The following CD96 variants were observed in gnomAD, a reference collection of about 807,000 sequenced individuals.
The protein encoded by CD96 is CD96 molecule.
In CD96, 70 loss-of-function variants were observed where a neutral mutation model predicts 71.3. The observed-to-expected ratio is 0.98, with a 90% CI of 0.81 to 1.20. CD96 has a LOEUF of 1.20. CD96 is among the 50% of genes most tolerant of loss of function. The pLI, the probability that CD96 is intolerant of heterozygous loss-of-function variation, is 0.00. For missense variants in CD96, 742 were observed against 677.5 expected, an observed-to-expected ratio of 1.10 and a Z score of -1.06; for synonymous variants, 248 against 233.0, an observed-to-expected ratio of 1.06 and a Z score of -0.59.
intron 5 of CD96, chr3:111,593,746 C>G: frequency 1.2e-6 from 2 of 1,614,212 alleles, no homozygotes; most frequent in Non-Finnish European, 1.7e-6. Context: ...TTTGGCTGGC[C>G]CACAAAGCCA....
chr3:111,552,946 C>T (rs546515547), intron 2 of CD96, among the ~76,000 whole-genome samples: 20 of 151,962 alleles, frequency 1.3e-4, no homozygotes, highest in Non-Finnish European at 2.6e-4. Context: ...GAACATACAA[C>T]TTCAACAATT....
rs550342496 is a variant in CD96, at chr3:111,580,782, T to C, written c.751+1548T>C. 3.3e-5 allele frequency among the ~76,000 whole-genome samples: 5 copies of C among 152,286 alleles called. No homozygotes were observed. In the South Asian group the frequency reaches 8.3e-4, roughly 25 times the overall value. On this transcript the variant is annotated intron_variant, in intron 4 of 13. Transcript: ENST00000352690. Reference sequence around the variant, plus strand: ...TCCTTACGGAGCCTAAACAGTGTCCTGTGAAGAGTTGGAAACAAGCTGTTC... The same window carrying C: ...TCCTTACGGAGCCTAAACAGTGTCCCGTGAAGAGTTGGAAACAAGCTGTTC...
chr3:111,615,105 C>G (rs1038991384), intron 8 of CD96, among the ~76,000 whole-genome samples: 1 of 152,158 alleles, frequency 6.6e-6, no homozygotes. Context: ...TGGTTCTTAA[C>G]CTTTGGAACC....
intron 2 of CD96, among the ~76,000 whole-genome samples, chr3:111,546,283 G>T (rs1934392971): frequency 6.6e-6 from 1 of 152,184 alleles, no homozygotes; most frequent in South Asian, 2.1e-4. Flanking sequence ...GCTATTCACT[G>T]TGATGGAAGG....
At chr3:111,644,127 T>A (rs1251219342) in intron 12 of CD96, among the ~76,000 whole-genome samples, 1 of 152,102 alleles carries the variant, frequency 6.6e-6, no homozygotes, top group Non-Finnish European at 1.5e-5. Context: ...GCTACTGGTA[T>A]AAAATACGCA....
chr3:111,564,052 A>T (rs1935584657), intron 2 of CD96, among the ~76,000 whole-genome samples: 1 of 152,218 alleles, frequency 6.6e-6, no homozygotes. Context: ...AATAACAATC[A>T]GATTTTCTTT....
intron 7 of CD96, among the ~76,000 whole-genome samples, chr3:111,605,395 A>G (rs1937594952): frequency 6.6e-6 from 1 of 152,202 alleles, no homozygotes; most frequent in Admixed American, 6.5e-5. Flanking sequence ...GGGTTGAAAT[A>G]TTGCTTATTG....
At chr3:111,630,693 G>A (rs1016647072) in intron 10 of CD96, among the ~76,000 whole-genome samples, 1 of 152,148 alleles carries the variant, frequency 6.6e-6, no homozygotes, top group Non-Finnish European at 1.5e-5. Flanking sequence ...AAACCTGGCA[G>A]AGATACAACA....
In CD96 at chr3:111,600,846, T is replaced by C. The variant is rs766311912; in HGVS notation, c.1019T>C (p.Met340Thr). ...AQSDNLTIWC[M>T]ALSPVPGNKV... ...TCAGACAACTTGACCATTTGGTGTA[T>C]GGCTCTGTCTCCAGTCCCAGGAAAT... is the stretch of plus-strand genomic sequence containing the variant. Residue 340 changes from methionine (M) to threonine (T), a missense_variant, in exon 7 of 14, where the codon ATG (methionine) becomes ACG (threonine). By Grantham distance (81) the Met-to-Thr change is moderately conservative. Coordinates refer to ENST00000352690, the MANE Select transcript of CD96 (RefSeq NM_005816.5). The C allele has an allele frequency of 5.0e-6, 8 of 1,613,362 alleles. No individual in the cohort carries two copies. In the South Asian group the frequency reaches 7.7e-5, roughly 16 times the overall value.
intron 3 of CD96, chr3:111,570,677 G>C: frequency 1.2e-6 from 2 of 1,611,460 alleles, no homozygotes; most frequent in East Asian, 4.5e-5. Context: ...ATTTGCCCTG[G>C]TAGGAATCAG....
At chr3:111,618,180 G>T (rs1453747570) in intron 8 of CD96, among the ~76,000 whole-genome samples, 3 of 152,162 alleles carry the variant, frequency 2.0e-5, no homozygotes, top group Non-Finnish European at 4.4e-5. Context: ...GGCAGGTGTG[G>T]GATCCAGGCT....
chr3:111,653,221 G>A (rs1940149060), downstream of CD96, among the ~76,000 whole-genome samples: 2 of 152,026 alleles, frequency 1.3e-5, no homozygotes, highest in South Asian at 4.1e-4. Flanking sequence ...GAAAAAGAAA[G>A]GCTCATGGAG....
intron 5 of CD96, chr3:111,594,569 C>T (rs752494296): frequency 7.7e-5 from 16 of 207,214 alleles, no homozygotes; most frequent in Non-Finnish European, 1.5e-4. Context: ...GCATCAACCA[C>T]CACGACAGGT....
chr3:111,620,461 G>T (rs756212560), intron 8 of CD96, among the ~76,000 whole-genome samples: 14 of 152,228 alleles, frequency 9.2e-5, no homozygotes, highest in Non-Finnish European at 1.9e-4. Context: ...AGAGAGAGGG[G>T]TAGATTTAAT....
intron 7 of CD96, among the ~76,000 whole-genome samples, chr3:111,606,129 G>T (rs79249783): frequency 6.6e-6 from 1 of 151,760 alleles, no homozygotes; most frequent in Admixed American, 6.6e-5. Flanking sequence ...ACACACGCAC[G>T]CACACACACA....
intron 4 of CD96, among the ~76,000 whole-genome samples, chr3:111,581,825 T>C (rs1255398097): frequency 6.6e-6 from 1 of 152,224 alleles, no homozygotes; most frequent in Non-Finnish European, 1.5e-5. Flanking sequence ...GTATCTTGGT[T>C]TTGGGTTCCC....
intron 10 of CD96, among the ~76,000 whole-genome samples, chr3:111,631,882 A>T (rs1428702641): frequency 1.3e-5 from 2 of 152,200 alleles, no homozygotes; most frequent in African/African-American, 4.8e-5. Context: ...TGAGAAAAGG[A>T]TTCCCTATTT....
intron 10 of CD96, among the ~76,000 whole-genome samples, chr3:111,627,040 G>T (rs1013119176): frequency 1.3e-5 from 2 of 152,148 alleles, no homozygotes; most frequent in Admixed American, 1.3e-4. Flanking sequence ...GGAGTGAGAG[G>T]GTATTAAGAG....
chr3:111,561,209 C>T (rs1272271546), intron 2 of CD96, among the ~76,000 whole-genome samples: 2 of 146,292 alleles, frequency 1.4e-5, no homozygotes, highest in African/African-American at 2.5e-5. Context: ...TCTCTCAGCT[C>T]GTCAAAGTCA....
Sources: allele counts gnomAD v4.1 joint callset (sites outside exome capture counted in the v4.1 genomes callset), GRCh38; gene constraint gnomAD v4.1.1; transcripts MANE v1.5; gene names NCBI Gene and HGNC (gene_info 2026-07-23, HGNC 2026-07-21).